The following GALNT13 variants were observed in gnomAD, a reference collection of about 807,000 sequenced individuals.
GALNT13 encodes the protein polypeptide N-acetylgalactosaminyltransferase 13.
Under a neutral mutation model 64.2 loss-of-function variants are expected in GALNT13, and 28 were observed. That is an observed-to-expected ratio of 0.44 (90% CI 0.32 to 0.60). GALNT13 has a LOEUF of 0.60. Among genes scored for constraint, GALNT13 ranks in the 20% least tolerant of loss-of-function variants. The pLI is 0.05. For missense variants in GALNT13, 577 were observed against 669.8 expected, an observed-to-expected ratio of 0.86 and a Z score of 1.53; for synonymous variants, 214 against 224.6, an observed-to-expected ratio of 0.95 and a Z score of 0.42.
chr2:153,203,959 G>T, the GALNT13 span, among the ~76,000 whole-genome samples: 1 of 152,114 alleles, frequency 6.6e-6, no homozygotes, highest in African/African-American at 2.4e-5. Flanking sequence ...GGCCATATTT[G>T]AGAGTATGAG....
chr2:154,412,557 T>TG (rs1231593401), intron 11 of GALNT13, among the ~76,000 whole-genome samples: 11 of 151,844 alleles, frequency 7.2e-5, no homozygotes, highest in African/African-American at 2.7e-4. Context: ...GGTATTTTTT[T>TG]TTTGTTTGTC....
the GALNT13 span, among the ~76,000 whole-genome samples, chr2:153,361,118 C>A: frequency 1.3e-5 from 2 of 152,148 alleles, no homozygotes; most frequent in Non-Finnish European, 2.9e-5. Context: ...CCCAGCAAAC[C>A]ACAGCAGCCC....
the GALNT13 span, among the ~76,000 whole-genome samples, chr2:153,130,732 A>C: frequency 6.6e-6 from 1 of 152,160 alleles, no homozygotes; most frequent in African/African-American, 2.4e-5. Flanking sequence ...GATCCCTAGA[A>C]AATTATGAGC....
the GALNT13 span, among the ~76,000 whole-genome samples, chr2:153,273,185 G>T: frequency 6.6e-6 from 1 of 152,200 alleles, no homozygotes; most frequent in African/African-American, 2.4e-5. Flanking sequence ...GTAGATGATG[G>T]GTTGATGGGT....
intron 3 of GALNT13, among the ~76,000 whole-genome samples, chr2:154,029,506 A>G (rs878863713): frequency 6.6e-6 from 1 of 152,164 alleles, no homozygotes; most frequent in Admixed American, 6.6e-5. Flanking sequence ...TAACTTTGGT[A>G]ACAACAAATC....
At chr2:154,316,335 T>C (rs1242298674) in intron 9 of GALNT13, among the ~76,000 whole-genome samples, 7 of 152,192 alleles carry the variant, frequency 4.6e-5, no homozygotes, top group Non-Finnish European at 1.0e-4. Flanking sequence ...TTGAAAATTG[T>C]GATCAACTAG....
Position 154,190,602 on chromosome 2 carries a change from C to A in GALNT13, c.311+50097C>A, listed in dbSNP as rs528668270. Among the ~76,000 whole-genome samples the A allele has an allele frequency of 2.6e-5, 4 of 152,246 alleles. No homozygotes were observed. The South Asian group carries it at 8.3e-4, about 32-fold the overall frequency. On this transcript the variant is annotated intron_variant, in intron 4 of 12. Transcript: ENST00000392825. ...AGTCCAACTCAGCTTTGTCTGTGAC[C>A]ATCTGCTCTATAGGAAACAATGAAA... is the stretch of plus-strand genomic sequence containing the variant.
At chr2:153,685,619 G>A in the GALNT13 span, among the ~76,000 whole-genome samples, 2 of 151,968 alleles carry the variant, frequency 1.3e-5, no homozygotes, top group Non-Finnish European at 2.9e-5. Flanking sequence ...TATGTTGCCT[G>A]GTTACTCTGT....
chr2:153,592,189 T>A, the GALNT13 span, among the ~76,000 whole-genome samples: 1 of 152,028 alleles, frequency 6.6e-6, no homozygotes, highest in Non-Finnish European at 1.5e-5. Context: ...AAACAACAGA[T>A]GTTGGTGAGG....
At chr2:153,258,214 T>C in the GALNT13 span, among the ~76,000 whole-genome samples, 1 of 152,200 alleles carries the variant, frequency 6.6e-6, no homozygotes, top group African/African-American at 2.4e-5. Flanking sequence ...AATATAGTAA[T>C]ACTAAAGTTT....
At chr2:154,097,867 T>C (rs531607184) in intron 3 of GALNT13, among the ~76,000 whole-genome samples, 7 of 152,100 alleles carry the variant, frequency 4.6e-5, no homozygotes, top group Non-Finnish European at 1.0e-4. Flanking sequence ...GTTTCTTCAT[T>C]AGCAGTTTCT....
At chr2:153,526,912 G>A in the GALNT13 span, among the ~76,000 whole-genome samples, 2 of 152,072 alleles carry the variant, frequency 1.3e-5, no homozygotes, top group Non-Finnish European at 2.9e-5. Flanking sequence ...TAATGAAGAA[G>A]CATCAGAGTC....
rs557721254 is a variant in GALNT13 at position 154,147,439 on chromosome 2, T to C, written c.311+6934T>C. Reference sequence around the variant, plus strand: ...TGGCAGTGTGAATTTAGAAGTGCCATTGTATCAAGGCATGATGAAGGACAG... The same window carrying C: ...TGGCAGTGTGAATTTAGAAGTGCCACTGTATCAAGGCATGATGAAGGACAG... On this transcript the variant is annotated intron_variant, in intron 4 of 12. Transcript: ENST00000392825. Among the ~76,000 whole-genome samples the C allele has an allele frequency of 2.7e-5, 4 of 150,804 alleles. No homozygotes were observed. The East Asian group carries it at 7.8e-4, about 29-fold the overall frequency.
chr2:153,575,976 C>T, the GALNT13 span, among the ~76,000 whole-genome samples: 8 of 152,100 alleles, frequency 5.3e-5, no homozygotes, highest in Middle Eastern at 3.2e-3. Context: ...TGAATGCTGC[C>T]AGGACTGTTT....
chr2:154,290,982 A>G (rs1406882636), intron 8 of GALNT13, among the ~76,000 whole-genome samples: 1 of 148,794 alleles, frequency 6.7e-6, no homozygotes, highest in Non-Finnish European at 1.5e-5. Context: ...GAAGCTACAG[A>G]CCTTCTCGGT....
At chr2:154,061,513 A>G (rs548988601) in intron 3 of GALNT13, among the ~76,000 whole-genome samples, 1 of 152,304 alleles carries the variant, frequency 6.6e-6, no homozygotes, top group South Asian at 2.1e-4. Flanking sequence ...TTAATTCTAA[A>G]AATAAACATG....
At chr2:154,272,859 A>C (rs1045272624) in intron 8 of GALNT13, among the ~76,000 whole-genome samples, 2 of 152,152 alleles carry the variant, frequency 1.3e-5, no homozygotes, top group African/African-American at 4.8e-5. Flanking sequence ...CATTTTTCTT[A>C]CGTGGAAAGG....
the GALNT13 span, among the ~76,000 whole-genome samples, chr2:153,590,364 T>C: frequency 0.28 from 43,115 of 151,838 alleles, 6,624 homozygotes; most frequent in South Asian, 0.43. Context: ...CAAAGTAAAG[T>C]TCATGACCAG....
At chr2:153,273,310 A>G in the GALNT13 span, among the ~76,000 whole-genome samples, 1 of 152,200 alleles carries the variant, frequency 6.6e-6, no homozygotes, top group Admixed American at 6.5e-5. Context: ...GCAAAATGTA[A>G]AAGAAAAGAG....
Sources: allele counts gnomAD v4.1 joint callset (sites outside exome capture counted in the v4.1 genomes callset), GRCh38; gene constraint gnomAD v4.1.1; transcripts MANE v1.5; gene names NCBI Gene and HGNC (gene_info 2026-07-23, HGNC 2026-07-21).